Variants in KCNA5 observed in about 807,000 individuals in gnomAD.
KCNA5 encodes the protein potassium voltage-gated channel subfamily A member 5, also known as cardiac potassium channel.
In KCNA5, 22 loss-of-function variants were observed where a neutral mutation model predicts 26.5. The ratio of observed to expected loss-of-function variants is 0.83; its 90% CI spans 0.59 to 1.18. The LOEUF (loss-of-function observed/expected upper bound fraction) is 1.18, where lower values mean the gene tolerates loss of function less well. Among genes scored for constraint, KCNA5 ranks in the 50% most tolerant of loss-of-function variants. KCNA5 has a pLI of 0.00. For synonymous variants in KCNA5, 465 were observed against 372.8 expected (o/e 1.25, Z -2.85); for missense variants, 916 against 843.2 (o/e 1.09, Z -1.07).
chr12:5,045,111 G>T lies in KCNA5; in HGVS notation c.964G>T (p.Asp322Tyr), dbSNP rs139614200. 1 of 1,613,736 alleles carries T rather than the reference G, an allele frequency of 6.2e-7. No individual in the cohort carries two copies. The highest frequency in any genetic ancestry group is 8.5e-7 in the Non-Finnish European group (1 of 1,179,880). The change falls in exon 1 of 1, where the codon GAC becomes TAC. Residue 322 changes from aspartate to tyrosine, a missense_variant. Transcript: ENST00000252321. The surrounding 1 kb of genome is among the most constrained non-coding windows in gnomAD (Gnocchi z 5.6). The part of the protein sequence containing the change: ...VAPLLPRTLA[D>Y]PFFIVETTCV... ...ACCGCTCCTGCCCAGGACCCTGGCC[G>T]ACCCCTTCTTCATCGTGGAGACCAC... is the stretch of plus-strand genomic sequence containing the variant.
chr12:5,046,059 T>G lies in KCNA5; in HGVS notation c.*70T>G. The G allele has an allele frequency of 6.4e-7, 1 of 1,570,032 alleles. No homozygotes were observed. The highest frequency in any genetic ancestry group is 8.7e-7 in the Non-Finnish European group (1 of 1,143,970). ...GGCTTGCTGAACATGGATATCTACA[T>G]TATACCGCAGAGTATTTGAAGTCAC... On this transcript the variant is annotated 3_prime_UTR_variant, in exon 1 of 1. Transcript: ENST00000252321.
rs772700212 is a variant in KCNA5 at position 5,045,089 on chromosome 12, G to T, written c.942G>T (p.Pro314=). ...CGCCCTCTGGCCCTACGGTGGCACC[G>T]CTCCTGCCCAGGACCCTGGCCGACC... ...MAPPSGPTVA[P]LLPRTLADPF... The change falls in exon 1 of 1, where the codon CCG becomes CCT. Residue 314 remains proline (P), a synonymous_variant. Coordinates refer to ENST00000252321, the MANE Select transcript of KCNA5 (RefSeq NM_002234.4). The surrounding 1 kb of genome is among the most constrained non-coding windows in gnomAD (Gnocchi z 5.6). 17 of 1,613,230 alleles carry T rather than the reference G, an allele frequency of 1.1e-5. No homozygotes were observed. The Middle Eastern group carries it at 5.0e-4, about 47-fold the overall frequency.
In KCNA5 at chr12:5,044,425, C is replaced by T; in HGVS notation, c.278C>T (p.Pro93Leu). Residue 93 changes from proline to leucine, a missense_variant, in exon 1 of 1, where the codon CCC becomes CTC. Coordinates refer to ENST00000252321, the MANE Select transcript of KCNA5 (RefSeq NM_002234.4). ...EELPRPRRPP[P>L]EDEEEEGDPG... ...CTGCCACGGCCTCGACGGCCGCCTC[C>T]CGAGGACGAGGAGGAAGAAGGCGAT... The T allele has an allele frequency of 6.2e-7, 1 of 1,604,844 alleles. No individual in the cohort carries two copies. The highest frequency in any genetic ancestry group is 1.3e-5 in the African/African-American group (1 of 74,940).
Position 5,045,476 on chromosome 12 carries a change from C to A in KCNA5, c.1329C>A (p.Ile443=), listed in dbSNP as rs147209278. ...ELGLLIFFLF[I]GVILFSSAVY... is the part of the protein sequence containing the mutation. ...GGCTGCTCATCTTCTTCCTCTTCAT[C>A]GGGGTCATCCTCTTCTCCAGTGCCG... is the stretch of plus-strand genomic sequence containing the variant. Residue 443 remains isoleucine, a synonymous_variant, in exon 1 of 1, where the codon ATC becomes ATA. Transcript: ENST00000252321. This position sits in a 1 kb window ranked among gnomAD's most constrained non-coding sequence, Gnocchi z 5.6. 1.9e-6 allele frequency: 3 copies of A among 1,614,218 alleles called. No homozygotes were observed. The Admixed American group carries it at 5.0e-5, about 27-fold the overall frequency.
rs1273671125 is a variant in KCNA5 at position 5,044,718 on chromosome 12, G to C, written c.571G>C (p.Val191Leu). The C allele has an allele frequency of 1.9e-6, 3 of 1,614,152 alleles. No individual in the cohort carries two copies. The highest frequency in any genetic ancestry group is 2.2e-5 in the South Asian group (2 of 91,080). ...GGGCCGCCTGCGGAGGCCGGTCAAC[G>C]TCTCCCTGGACGTGTTCGCGGACGA... ...SGGRLRRPVN[V>L]SLDVFADEIR... Residue 191 changes from valine to leucine, a missense_variant, in exon 1 of 1, where the codon GTC becomes CTC. Transcript: ENST00000252321.
In KCNA5 at chr12:5,044,769, G is replaced by C; in HGVS notation, c.622G>C (p.Glu208Gln). The C allele has an allele frequency of 1.2e-6, 2 of 1,614,176 alleles. No homozygotes were observed. Among genetic ancestry groups the C allele is most frequent in the South Asian group, 1.1e-5 (1 of 91,086 alleles). Reference protein sequence around the residue: ...DEIRFYQLGDEAMERFREDEG... With the variant: ...DEIRFYQLGDQAMERFREDEG... ...GATACGCTTCTACCAGCTGGGGGAC[G>C]AGGCCATGGAGCGCTTCCGCGAGGA... is the stretch of plus-strand genomic sequence containing the variant. Residue 208 changes from glutamate (E) to glutamine (Q), a missense_variant, in exon 1 of 1, where the codon GAG becomes CAG. Glu to Gln is a conservative substitution (Grantham distance 29). Transcript: ENST00000252321.
In KCNA5 at chr12:5,045,936, C is replaced by T. The variant is rs759691488; in HGVS notation, c.1789C>T (p.Arg597Trp). 9.9e-6 allele frequency: 16 copies of T among 1,613,724 alleles called. No homozygotes were observed. Among genetic ancestry groups the T allele is most frequent in the African/African-American group, 2.7e-5 (2 of 74,934 alleles). Residue 597 changes from arginine to tryptophan, a missense_variant, in exon 1 of 1, where the codon CGG (arginine) becomes TGG (tryptophan). Physicochemically the swap from Arg to Trp is moderately radical, Grantham distance 101. Transcript: ENST00000252321. This position sits in a 1 kb window ranked among gnomAD's most constrained non-coding sequence, Gnocchi z 5.6. ...CAAGGCCAAGAGCAACGTGGACTTGCGGAGGTCCCTTTATGCCCTCTGCCT... is the reference window on the plus strand; with the variant it reads ...CAAGGCCAAGAGCAACGTGGACTTGTGGAGGTCCCTTTATGCCCTCTGCCT... ...NVKAKSNVDL[R>W]RSLYALCLDT...
rs746186154 is a variant in KCNA5 at position 5,045,136 on chromosome 12, C to A, written c.989C>A (p.Thr330Lys). The A allele has an allele frequency of 6.2e-7, 1 of 1,614,104 alleles. No individual in the cohort carries two copies. Among genetic ancestry groups the A allele is most frequent in the Non-Finnish European group, 8.5e-7 (1 of 1,180,032 alleles). ...GACCCCTTCTTCATCGTGGAGACCA[C>A]GTGCGTCATCTGGTTCACCTTCGAG... ...LADPFFIVET[T>K]CVIWFTFELL... The change falls in exon 1 of 1, where the codon ACG becomes AAG. Residue 330 changes from threonine (T) to lysine (K), a missense_variant. Transcript: ENST00000252321. This position sits in a 1 kb window ranked among gnomAD's most constrained non-coding sequence, Gnocchi z 5.6.
chr12:5,044,586 G>C lies in KCNA5; in HGVS notation c.439G>C (p.Gly147Arg). The C allele has an allele frequency of 6.2e-7, 1 of 1,614,076 alleles. No individual in the cohort carries two copies. The highest frequency in any genetic ancestry group is 8.5e-7 in the Non-Finnish European group (1 of 1,180,034). ...TLAQFPNTLLGDPAKRLRYFD... is the reference protein window; with the variant it reads ...TLAQFPNTLLRDPAKRLRYFD... ...GGCGCAGTTCCCCAACACACTCCTG[G>C]GGGACCCCGCCAAGCGCCTGCGCTA... The change falls in exon 1 of 1, where the codon GGG becomes CGG. Residue 147 changes from glycine (G) to arginine (R), a missense_variant. Coordinates refer to ENST00000252321, the MANE Select transcript of KCNA5 (RefSeq NM_002234.4).
rs752143941 is a variant in KCNA5, at chr12:5,045,186, C to T, written c.1039C>T (p.Pro347Ser). 2.5e-6 allele frequency: 4 copies of T among 1,614,042 alleles called. No individual in the cohort carries two copies. The Admixed American group carries it at 5.0e-5, about 20-fold the overall frequency. Reference protein sequence around the residue: ...FELLVRFFACPSKAGFSRNIM... With the variant: ...FELLVRFFACSSKAGFSRNIM... ...GCTGCTCGTGCGCTTCTTCGCCTGC[C>T]CCAGCAAGGCAGGGTTCTCCCGGAA... is the stretch of plus-strand genomic sequence containing the variant. Residue 347 changes from proline (P) to serine (S), a missense_variant, in exon 1 of 1, where the codon CCC becomes TCC. Pro to Ser is a moderately conservative substitution (Grantham distance 74, BLOSUM62 -1). Transcript: ENST00000252321. This position sits in a 1 kb window ranked among gnomAD's most constrained non-coding sequence, Gnocchi z 5.6.
Position 5,044,104 on chromosome 12 carries a change from G to C in KCNA5, c.-44G>C, listed in dbSNP as rs777766172. 1 of 1,531,562 alleles carries C rather than the reference G, an allele frequency of 6.5e-7. No homozygotes were observed. 94.9% of individuals were successfully genotyped at this position (1,531,562 alleles called of 1,614,324 possible). A position where few individuals can be genotyped will look rare whatever the true frequency, so the allele number is the denominator to read the frequency against. ...CCGCGGAGCGTGAGTAGGGGGCGCG[G>C]GAGCCGGTCAGCTGGGGCGCAGCAT... is the stretch of plus-strand genomic sequence containing the variant. On this transcript the variant is annotated 5_prime_UTR_variant, in exon 1 of 1. Coordinates refer to ENST00000252321, the MANE Select transcript of KCNA5 (RefSeq NM_002234.4).
rs780720700 is a variant in KCNA5 at position 5,045,217 on chromosome 12, T to C, written c.1070T>C (p.Met357Thr). The C allele has an allele frequency of 5.0e-6, 8 of 1,614,164 alleles. No homozygotes were observed. Among genetic ancestry groups the C allele is most frequent in the Non-Finnish European group, 6.8e-6 (8 of 1,180,026 alleles). The change falls in exon 1 of 1, where the codon ATG becomes ACG. Residue 357 changes from methionine to threonine, a missense_variant. Met to Thr is a moderately conservative substitution (Grantham distance 81). Transcript: ENST00000252321. The surrounding 1 kb of genome is among the most constrained non-coding windows in gnomAD (Gnocchi z 5.6). ...PSKAGFSRNI[M>T]NIIDVVAIFP... ...AAGGCAGGGTTCTCCCGGAACATCATGAACATCATCGATGTGGTGGCCATC... is the reference window on the plus strand; with the variant it reads ...AAGGCAGGGTTCTCCCGGAACATCACGAACATCATCGATGTGGTGGCCATC...
chr12:5,044,448 G>A lies in KCNA5; in HGVS notation c.301G>A (p.Asp101Asn), dbSNP rs746880646. The A allele has an allele frequency of 2.5e-6, 4 of 1,609,986 alleles. No individual in the cohort carries two copies. In the East Asian group the frequency reaches 8.9e-5, roughly 36 times the overall value. ...PPPEDEEEEG[D>N]PGLGTVEDQA... ...TCCCGAGGACGAGGAGGAAGAAGGC[G>A]ATCCCGGCCTGGGCACGGTGGAGGA... The change falls in exon 1 of 1, where the codon GAT becomes AAT. Residue 101 changes from aspartate (D) to asparagine (N), a missense_variant. Transcript: ENST00000252321.
Position 5,045,104 on chromosome 12 carries a change from C to A in KCNA5, c.957C>A (p.Thr319=). The stretch of plus-strand genomic sequence containing the variant: ...CGGTGGCACCGCTCCTGCCCAGGAC[C>A]CTGGCCGACCCCTTCTTCATCGTGG... The part of the protein sequence containing the change: ...GPTVAPLLPR[T]LADPFFIVET... The change falls in exon 1 of 1, where the codon ACC becomes ACA. Residue 319 remains threonine, a synonymous_variant. Coordinates refer to ENST00000252321, the MANE Select transcript of KCNA5 (RefSeq NM_002234.4). The surrounding 1 kb of genome is among the most constrained non-coding windows in gnomAD (Gnocchi z 5.6). 1 of 1,613,734 alleles carries A rather than the reference C, an allele frequency of 6.2e-7. No individual in the cohort carries two copies. The highest frequency in any genetic ancestry group is 1.3e-5 in the African/African-American group (1 of 75,048).
rs376656991 is a variant in KCNA5, at chr12:5,045,720, C to T, written c.1573C>T (p.Arg525Trp). 164 of 1,614,062 alleles carry T rather than the reference C, an allele frequency of 1.0e-4. No homozygotes were observed. The highest frequency in any genetic ancestry group is 3.3e-4 in the Middle Eastern group (2 of 6,084). ...CTCCAACTTCAACTACTTCTACCAC[C>T]GGGAAACGGATCACGAGGAGCCGGC... The part of the protein sequence containing the change: ...IVSNFNYFYH[R>W]ETDHEEPAVL... The change falls in exon 1 of 1, where the codon CGG becomes TGG. Residue 525 changes from arginine to tryptophan, a missense_variant. Coordinates refer to ENST00000252321, the MANE Select transcript of KCNA5 (RefSeq NM_002234.4). This position sits in a 1 kb window ranked among gnomAD's most constrained non-coding sequence, Gnocchi z 5.6.
Position 5,046,600 on chromosome 12 carries a change from G to C in KCNA5, c.*611G>C, listed in dbSNP as rs948895540. 5.8e-6 allele frequency: 1 copy of C among 172,224 alleles called. No individual in the cohort carries two copies. Among genetic ancestry groups the C allele is most frequent in the Non-Finnish European group, 1.4e-5 (1 of 70,932 alleles). The allele number at this position is 172,224 out of a possible 1,614,324, so 10.7% of individuals were successfully genotyped here. On this transcript the variant is annotated 3_prime_UTR_variant, in exon 1 of 1. Coordinates refer to ENST00000252321, the MANE Select transcript of KCNA5 (RefSeq NM_002234.4). ...CAAGCCTCTGTCTTTTCTGGGATGT[G>C]GTATTGGTGCTTTGTGTCTAGGGCA...
Position 5,045,100 on chromosome 12 carries a change from G to A in KCNA5, c.953G>A (p.Arg318Lys). The A allele has an allele frequency of 1.2e-6, 2 of 1,613,680 alleles. No individual in the cohort carries two copies. The highest frequency in any genetic ancestry group is 1.7e-6 in the Non-Finnish European group (2 of 1,179,878). The change falls in exon 1 of 1, where the codon AGG (arginine) becomes AAG (lysine). Residue 318 changes from arginine (R) to lysine (K), a missense_variant. Coordinates refer to ENST00000252321, the MANE Select transcript of KCNA5 (RefSeq NM_002234.4). The surrounding 1 kb of genome is among the most constrained non-coding windows in gnomAD (Gnocchi z 5.6). ...CCTACGGTGGCACCGCTCCTGCCCAGGACCCTGGCCGACCCCTTCTTCATC... is the reference window on the plus strand; with the variant it reads ...CCTACGGTGGCACCGCTCCTGCCCAAGACCCTGGCCGACCCCTTCTTCATC... Reference protein sequence around the residue: ...SGPTVAPLLPRTLADPFFIVE... With the variant: ...SGPTVAPLLPKTLADPFFIVE...
In KCNA5 at chr12:5,045,735, G is replaced by C. The variant is rs915470188; in HGVS notation, c.1588G>C (p.Glu530Gln). The C allele has an allele frequency of 1.9e-6, 3 of 1,614,004 alleles. No homozygotes were observed. The African/African-American group carries it at 4.0e-5, about 22-fold the overall frequency. The part of the protein sequence containing the change: ...NYFYHRETDH[E>Q]EPAVLKEEQG... ...CTTCTACCACCGGGAAACGGATCACGAGGAGCCGGCAGTCCTTAAGGAAGA... is the reference window on the plus strand; with the variant it reads ...CTTCTACCACCGGGAAACGGATCACCAGGAGCCGGCAGTCCTTAAGGAAGA... Residue 530 changes from glutamate (E) to glutamine (Q), a missense_variant, in exon 1 of 1, where the codon GAG becomes CAG. By Grantham distance (29) the Glu-to-Gln change is conservative (BLOSUM62 2). Coordinates refer to ENST00000252321, the MANE Select transcript of KCNA5 (RefSeq NM_002234.4). This position sits in a 1 kb window ranked among gnomAD's most constrained non-coding sequence, Gnocchi z 5.6.
Position 5,044,527 on chromosome 12 carries a change from C to T in KCNA5, c.380C>T (p.Ser127Phe), listed in dbSNP as rs1289975720. The change falls in exon 1 of 1, where the codon TCC (serine) becomes TTC (phenylalanine). Residue 127 changes from serine (S) to phenylalanine (F), a missense_variant. Physicochemically the swap from Ser to Phe is radical, Grantham distance 155 (BLOSUM62 -2). Transcript: ENST00000252321. The part of the protein sequence containing the change: ...LHHQRVHINI[S>F]GLRFETQLGT... ...CACCAGCGCGTCCACATCAACATCT[C>T]CGGGCTGCGCTTTGAGACGCAGCTG... 12 of 1,613,510 alleles carry T rather than the reference C, an allele frequency of 7.4e-6. No individual in the cohort carries two copies. Among genetic ancestry groups the T allele is most frequent in the Non-Finnish European group, 1.0e-5 (12 of 1,179,912 alleles).
Sources: gnomAD v4.1 joint callset for allele counts on GRCh38, gnomAD v4.1.1 for gene constraint, Gnocchi (gnomAD v3.1) non-coding constraint, MANE v1.5 for transcripts, NCBI Gene and HGNC (gene_info 2026-07-23, HGNC 2026-07-21) for gene names.